Variants in NUP37 observed in about 807,000 individuals in gnomAD.
NUP37 encodes the protein nucleoporin Nup37.
Under a neutral mutation model 45.4 loss-of-function variants are expected in NUP37, and 33 were observed. The ratio of observed to expected loss-of-function variants is 0.73; its 90% CI spans 0.55 to 0.97. NUP37 has a LOEUF of 0.97. NUP37 is among the 50% of genes least tolerant of loss of function. The pLI is 0.00. For synonymous variants in NUP37, 127 were observed against 130.7 expected (o/e 0.97, Z 0.19); for missense variants, 365 against 389.7 (o/e 0.94, Z 0.53).
At chr12:102,077,645 A>G (rs1222012193) in intron 6 of NUP37, 142 bp from the exon 7 acceptor site, 1 of 864,602 alleles carries the variant, frequency 1.2e-6, no homozygotes, top group Admixed American at 3.0e-5. Flanking sequence ...GAAAATCTGC[A>G]ATGCTCCAAA....
chr12:102,095,547 A>G (rs769720411), intron 5 of NUP37, among the ~76,000 whole-genome samples: 1 of 152,018 alleles, frequency 6.6e-6, no homozygotes, highest in African/African-American at 2.4e-5. Flanking sequence ...TAGCAACCCC[A>G]TGCTTTACTT....
At chr12:102,081,497 T>G (rs1288326129) in intron 6 of NUP37, among the ~76,000 whole-genome samples, 2 of 152,230 alleles carry the variant, frequency 1.3e-5, no homozygotes, top group South Asian at 2.1e-4. Context: ...TTGTCGTATT[T>G]GAACCAGATT....
At position 102,073,895 on chromosome 12, in the gene NUP37, C is replaced by T. The variant is rs1312399173; in HGVS notation, c.*459G>A. 6.6e-6 allele frequency: 1 copy of T among 152,102 alleles called. No homozygotes were observed. The highest frequency in any genetic ancestry group is 1.5e-5 in the Non-Finnish European group (1 of 68,106). The allele number at this position is 152,102 out of a possible 1,614,324, so 9.4% of individuals were successfully genotyped here. ...TGTTGGCCAGGTTGGTCTTGAACTC[C>T]TCACCTCAAGTGATCCACTCCCTTC... On this transcript the variant is annotated 3_prime_UTR_variant, in exon 10 of 10. Transcript: ENST00000552283.
chr12:102,092,709 T>C lies in NUP37; in HGVS notation c.449+6397A>G, dbSNP rs200272661. On this transcript the variant is annotated intron_variant, in intron 5 of 9. Coordinates refer to ENST00000552283, the MANE Select transcript of NUP37 (RefSeq NM_024057.4). ...GGAACCATGTAACTGAAAGCCCAAATCTAGAGATTAGATGGACAAATCTTT... is the reference window on the plus strand; with the variant it reads ...GGAACCATGTAACTGAAAGCCCAAACCTAGAGATTAGATGGACAAATCTTT... 1.3e-4 allele frequency among the ~76,000 whole-genome samples: 20 copies of C among 152,254 alleles called. No individual in the cohort carries two copies. The East Asian group carries it at 3.5e-3, about 26-fold the overall frequency.
chr12:102,112,002 T>G (rs1880330777), intron 3 of NUP37, 106 bp downstream of exon 3: 2 of 1,032,236 alleles, frequency 1.9e-6, no homozygotes. Flanking sequence ...TATCTTGGAT[T>G]GTGGAAAATG....
intron 6 of NUP37, among the ~76,000 whole-genome samples, chr12:102,077,747 A>G (rs1460999056): frequency 1.3e-5 from 2 of 152,232 alleles, no homozygotes; most frequent in Non-Finnish European, 2.9e-5. Flanking sequence ...GCACAAAATT[A>G]TTAAAAAAAG....
At chr12:102,111,097 G>A (rs774524461) in intron 3 of NUP37, among the ~76,000 whole-genome samples, 3 of 152,118 alleles carry the variant, frequency 2.0e-5, no homozygotes, top group Non-Finnish European at 4.4e-5. Context: ...ACAGACTATG[G>A]TCTATTGATA....
At chr12:102,115,348 T>C (rs925401260) in intron 2 of NUP37, among the ~76,000 whole-genome samples, 10 of 152,238 alleles carry the variant, frequency 6.6e-5, no homozygotes, top group African/African-American at 2.2e-4. Flanking sequence ...TTGATATGTG[T>C]ACACTTTAAA....
At chr12:102,112,996 C>T (rs1458086982) in intron 2 of NUP37, among the ~76,000 whole-genome samples, 1 of 152,134 alleles carries the variant, frequency 6.6e-6, no homozygotes, top group Non-Finnish European at 1.5e-5. Flanking sequence ...CAGTTCAGCC[C>T]TACTAAAATG....
At chr12:102,108,181 G>A (rs2136749864) in intron 3 of NUP37, among the ~76,000 whole-genome samples, 1 of 152,222 alleles carries the variant, frequency 6.6e-6, no homozygotes, top group South Asian at 2.1e-4. Context: ...CCCACCCTCA[G>A]GAAGACACAC....
At chr12:102,080,103 C>A (rs573692088) in intron 6 of NUP37, among the ~76,000 whole-genome samples, 59 of 152,212 alleles carry the variant, frequency 3.9e-4, no homozygotes, top group Non-Finnish European at 6.5e-4. Context: ...GGACATAATC[C>A]TTGATCTCAA....
At chr12:102,095,157 G>C (rs1351413006) in intron 5 of NUP37, among the ~76,000 whole-genome samples, 1 of 152,054 alleles carries the variant, frequency 6.6e-6, no homozygotes, top group Non-Finnish European at 1.5e-5. Context: ...CAATGACTGG[G>C]AATGAGATGT....
chr12:102,096,824 A>C (rs1879819780), intron 5 of NUP37, among the ~76,000 whole-genome samples: 1 of 152,198 alleles, frequency 6.6e-6, no homozygotes, highest in African/African-American at 2.4e-5. Context: ...CTGTTTTTAA[A>C]AAAATCTTAC....
At chr12:102,095,127 C>T (rs1270138289) in intron 5 of NUP37, among the ~76,000 whole-genome samples, 4 of 152,042 alleles carry the variant, frequency 2.6e-5, no homozygotes, top group Non-Finnish European at 5.9e-5. Context: ...TTCTAATATA[C>T]AAGAACATCT....
intron 3 of NUP37, among the ~76,000 whole-genome samples, chr12:102,111,522 C>CT (rs1880318049): frequency 6.6e-6 from 1 of 152,124 alleles, no homozygotes; most frequent in African/African-American, 2.4e-5. Context: ...GAAGACACAT[C>CT]TTTTAGATTT....
chr12:102,111,316 C>T (rs910012069), intron 3 of NUP37, among the ~76,000 whole-genome samples: 16 of 152,018 alleles, frequency 1.1e-4, no homozygotes, highest in African/African-American at 2.4e-4. Context: ...AGAAGTATGA[C>T]GAAACTTTCT....
At chr12:102,103,844 G>A (rs1456906149) in intron 3 of NUP37, among the ~76,000 whole-genome samples, 1 of 152,080 alleles carries the variant, frequency 6.6e-6, no homozygotes, top group Non-Finnish European at 1.5e-5. Flanking sequence ...CAACAAATTA[G>A]GTATAGACAA....
intron 3 of NUP37, among the ~76,000 whole-genome samples, chr12:102,107,214 C>T (rs778116411): frequency 8.5e-5 from 13 of 152,096 alleles, no homozygotes; most frequent in South Asian, 2.1e-4. Context: ...CCTTGTATTT[C>T]GGTAACAATG....
At position 102,076,779 on chromosome 12, in the gene NUP37, A is replaced by T; in HGVS notation, c.773+18T>A. Reference sequence around the variant, plus strand: ...GTCAAAAGATCAAATCACAGCTCCAACAAAAACGGTACATTACCTGAATAA... The same window carrying T: ...GTCAAAAGATCAAATCACAGCTCCATCAAAAACGGTACATTACCTGAATAA... On this transcript the variant is annotated intron_variant, in intron 8 of 9. Coordinates refer to ENST00000552283, the MANE Select transcript of NUP37 (RefSeq NM_024057.4). The T allele has an allele frequency of 1.2e-6, 2 of 1,611,150 alleles. No homozygotes were observed. Among genetic ancestry groups the T allele is most frequent in the South Asian group, 2.2e-5 (2 of 90,724 alleles).
Sources: allele counts gnomAD v4.1 joint callset (sites outside exome capture counted in the v4.1 genomes callset), GRCh38; gene constraint gnomAD v4.1.1; transcripts MANE v1.5; gene names NCBI Gene and HGNC (gene_info 2026-07-23, HGNC 2026-07-21).